Variants in ITPR2 observed in about 807,000 individuals in gnomAD.
The protein encoded by ITPR2 is inositol 1,4,5-trisphosphate-gated calcium channel ITPR2.
ITPR2 carries 207 observed loss-of-function variants against 317.1 expected under a neutral mutation model. The observed-to-expected ratio is 0.65, with a 90% CI of 0.58 to 0.73. The LOEUF (loss-of-function observed/expected upper bound fraction) is 0.73. ITPR2 is among the 30% of genes least tolerant of loss of function. The pLI is 0.00. For missense variants in ITPR2, 2,613 were observed against 3,284.0 expected, an observed-to-expected ratio of 0.80 and a Z score of 4.99; for synonymous variants, 1,156 against 1,149.1, an observed-to-expected ratio of 1.01 and a Z score of -0.12.
intron 1 of ITPR2, among the ~76,000 whole-genome samples, chr12:26,825,132 T>C (rs568346609): frequency 5.1e-4 from 78 of 152,054 alleles, no homozygotes; most frequent in African/African-American, 1.7e-3. Context: ...ACTCCGAAAA[T>C]TGAGGCACAG....
chr12:26,529,366 A>C (rs116675126), intron 37 of ITPR2, among the ~76,000 whole-genome samples: 3,201 of 152,212 alleles, frequency 0.021, 106 homozygotes, highest in African/African-American at 0.072. Context: ...GGCTTCCTTG[A>C]TGGTTCTCAA....
intron 50 of ITPR2, among the ~76,000 whole-genome samples, chr12:26,418,583 T>C (rs928485236): frequency 6.6e-6 from 1 of 152,170 alleles, no homozygotes; most frequent in Non-Finnish European, 1.5e-5. Flanking sequence ...AAAACAACTG[T>C]CTCTTTGCTA....
intron 42 of ITPR2, 104 bp downstream of exon 42, chr12:26,483,594 A>G (rs1294131594): frequency 1.2e-6 from 1 of 809,762 alleles, no homozygotes; most frequent in Non-Finnish European, 2.1e-6. Flanking sequence ...GGAAAGTAAA[A>G]ATGTCTGGCA....
chr12:26,498,468 C>CTGCGACTCTCATT (rs1942995865), intron 37 of ITPR2, among the ~76,000 whole-genome samples: 1 of 152,230 alleles, frequency 6.6e-6, no homozygotes, highest in African/African-American at 2.4e-5. Flanking sequence ...TGGGTAATTA[C>CTGCGACTCTCATT]TGCGACTCTC....
At chr12:26,778,570 G>A (rs1950020700) in intron 2 of ITPR2, among the ~76,000 whole-genome samples, 1 of 152,186 alleles carries the variant, frequency 6.6e-6, no homozygotes, top group South Asian at 2.1e-4. Context: ...TTTGCCTTCG[G>A]CTGGCAAGGC....
intron 26 of ITPR2, 31 bp downstream of exon 26, chr12:26,621,092 G>C: frequency 5.1e-6 from 8 of 1,572,474 alleles, no homozygotes; most frequent in Non-Finnish European, 7.0e-6. Flanking sequence ...GACATCATTG[G>C]GAGTATTTCG....
rs1313592453 is a variant in ITPR2 at position 26,580,926 on chromosome 12, GA to G, written c.4381-772del. ...CTAAGATACCTAATTAAAAACACATGAAAAAAAGTTGGCTGGTGAAAAGACA... is the reference window on the plus strand; with the variant it reads ...CTAAGATACCTAATTAAAAACACATGAAAAAAGTTGGCTGGTGAAAAGACA... On this transcript the variant is annotated intron_variant, in intron 32 of 56. Coordinates refer to ENST00000381340, the MANE Select transcript of ITPR2 (RefSeq NM_002223.4). Among the ~76,000 whole-genome samples the G allele has an allele frequency of 2.0e-5, 3 of 151,974 alleles. No homozygotes were observed. In the East Asian group the frequency reaches 5.8e-4, roughly 29 times the overall value.
In ITPR2 at chr12:26,378,333, A is replaced by G. The variant is rs186098795; in HGVS notation, c.7857+9101T>C. On this transcript the variant is annotated intron_variant, in intron 55 of 56. Transcript: ENST00000381340. ...GAGCCAGAGGACCATGACCACAAGC[A>G]GAAGGCACACGTGGGCCGAGGCTCC... Among the ~76,000 whole-genome samples the G allele has an allele frequency of 3.1e-3, 465 of 152,158 alleles. 5 individuals are homozygous for G. The Middle Eastern group carries it at 0.034, about 11-fold the overall frequency.
intron 15 of ITPR2, 87 bp downstream of exon 15, chr12:26,663,598 C>T (rs1947551036): frequency 1.6e-6 from 2 of 1,221,178 alleles, no homozygotes; most frequent in Non-Finnish European, 2.2e-6. Flanking sequence ...TTTCCCATTC[C>T]TACTTTCTAT....
At chr12:26,713,825 GA>G (rs1022695963) in intron 8 of ITPR2, among the ~76,000 whole-genome samples, 18 of 152,164 alleles carry the variant, frequency 1.2e-4, no homozygotes, top group African/African-American at 3.9e-4. Flanking sequence ...TTTATGGTGT[GA>G]AAATGCATGC....
intron 9 of ITPR2, 116 bp from the exon 10 acceptor site, chr12:26,695,766 G>T: frequency 3.0e-6 from 2 of 676,464 alleles, no homozygotes; most frequent in East Asian, 2.7e-5. Flanking sequence ...ATAAAAAGAT[G>T]CTAAGAAAGA....
chr12:26,466,285 T>A (rs1942168879), intron 45 of ITPR2, among the ~76,000 whole-genome samples: 6 of 152,244 alleles, frequency 3.9e-5, no homozygotes, highest in Admixed American at 2.6e-4. Flanking sequence ...TTGTACTATA[T>A]CCTTGCATAA....
chr12:26,753,829 C>T (rs562621325), intron 2 of ITPR2, among the ~76,000 whole-genome samples: 1 of 152,218 alleles, frequency 6.6e-6, no homozygotes, highest in African/African-American at 2.4e-5. Flanking sequence ...CAGTTACAAA[C>T]TTTGCTGCAG....
intron 10 of ITPR2, among the ~76,000 whole-genome samples, chr12:26,693,114 T>G (rs1469520646): frequency 1.3e-5 from 2 of 152,192 alleles, no homozygotes; most frequent in African/African-American, 2.4e-5. Flanking sequence ...GAAAAAAAAT[T>G]AAATCAACTG....
intron 2 of ITPR2, among the ~76,000 whole-genome samples, chr12:26,739,441 A>AAT (rs1223345285): frequency 6.6e-6 from 1 of 152,250 alleles, no homozygotes; most frequent in Non-Finnish European, 1.5e-5. Flanking sequence ...ATATCCATAC[A>AAT]ATAGAATACT....
intron 52 of ITPR2, among the ~76,000 whole-genome samples, 169 bp from the exon 53 acceptor site, chr12:26,400,427 CATAAA>C (rs1940138011): frequency 2.6e-5 from 4 of 151,604 alleles, no homozygotes; most frequent in Admixed American, 6.6e-5. Context: ...CCTAAATATA[CATAAA>C]ATAAAAGATA....
At position 26,724,742 on chromosome 12, in the gene ITPR2, G is replaced by A; in HGVS notation, c.280C>T (p.His94Tyr). 1.3e-6 allele frequency: 2 copies of A among 1,596,214 alleles called. No homozygotes were observed. Among genetic ancestry groups the A allele is most frequent in the Non-Finnish European group, 1.7e-6 (2 of 1,166,910 alleles). Residue 94 changes from histidine (H) to tyrosine (Y), a missense_variant and splice_region_variant, in exon 4 of 57, where the codon CAC becomes TAC. His to Tyr is a moderately conservative substitution (Grantham distance 83). Transcript: ENST00000381340. Reference protein sequence around the residue: ...TEAALLKKLQHAAELEQKQNE... With the variant: ...TEAALLKKLQYAAELEQKQNE... Reference sequence around the variant, plus strand: ...TGTTTTTGTTCCAGTTCTGCAGCGTGCTATAAGATGATTATCAAATATTCA... The same window carrying A: ...TGTTTTTGTTCCAGTTCTGCAGCGTACTATAAGATGATTATCAAATATTCA...
intron 2 of ITPR2, among the ~76,000 whole-genome samples, chr12:26,771,444 G>A (rs1949841823): frequency 6.6e-6 from 1 of 152,216 alleles, no homozygotes; most frequent in South Asian, 2.1e-4. Flanking sequence ...TTAGGTGAAA[G>A]AGAAATACAT....
rs779095982 is a variant in ITPR2 at position 26,715,440 on chromosome 12, G to A, written c.714C>T (p.Asp238=). ...GTTCCGCATGAAATAATCTAACAACGTCCCCCTAGCAAAAAGGTCAAGAGA... is the reference window on the plus strand; with the variant it reads ...GTTCCGCATGAAATAATCTAACAACATCCCCCTAGCAAAAAGGTCAAGAGA... ...SYREDVLKGG[D]VVRLFHAEQE... The change falls in exon 8 of 57, where the codon GAC becomes GAT. Residue 238 remains aspartate, a synonymous_variant. Coordinates refer to ENST00000381340, the MANE Select transcript of ITPR2 (RefSeq NM_002223.4). 1.4e-5 allele frequency: 23 copies of A among 1,612,044 alleles called. No homozygotes were observed. Among genetic ancestry groups the A allele is most frequent in the African/African-American group, 8.0e-5 (6 of 74,736 alleles).
Sources: gnomAD v4.1 joint callset for allele counts (sites outside exome capture counted in the v4.1 genomes callset) on GRCh38, gnomAD v4.1.1 for gene constraint, MANE v1.5 for transcripts, NCBI Gene and HGNC (gene_info 2026-07-23, HGNC 2026-07-21) for gene names.